TTC3: variants seen among roughly 807,000 people sequenced by gnomAD.
The protein encoded by TTC3 is E3 ubiquitin-protein ligase TTC3.
A neutral mutation model predicts 249.6 loss-of-function variants in TTC3; 180 were observed. That is an observed-to-expected ratio of 0.72 (90% CI 0.64 to 0.82). The LOEUF is 0.82. TTC3 is among the 40% of genes least tolerant of loss of function. The pLI is 0.00. For synonymous variants in TTC3, 717 were observed against 805.0 expected, an observed-to-expected ratio of 0.89 and a Z score of 1.85; for missense variants, 2,061 against 2,398.4, an observed-to-expected ratio of 0.86 and a Z score of 2.94.
chr21:37,200,147 G>A, intron 44 of TTC3, 85 bp from the exon 45 acceptor site: 1 of 1,290,168 alleles, frequency 7.8e-7, no homozygotes, highest in South Asian at 1.5e-5. Context: ...GGCAGAAGAT[G>A]TTTGAAGGCC....
chr21:37,105,115 G>A (rs956021261), intron 10 of TTC3, among the ~76,000 whole-genome samples: 1 of 152,166 alleles, frequency 6.6e-6, no homozygotes, highest in Non-Finnish European at 1.5e-5. Context: ...GTTGGCTACT[G>A]AGAAGCCAGT....
intron 1 of TTC3, among the ~76,000 whole-genome samples, chr21:37,075,585 A>G (rs544785530): frequency 1.3e-5 from 2 of 152,352 alleles, no homozygotes; most frequent in East Asian, 3.9e-4. Flanking sequence ...ATGAGACTTT[A>G]CATTTTTGCC....
At chr21:37,156,663 G>T (rs1339580654) in exon 28 of TTC3, 6 of 1,610,150 alleles carry the variant, frequency 3.7e-6, no homozygotes, top group Admixed American at 1.7e-5. Flanking sequence ...AGGCTTAGAT[G>T]CCACAGGAAC....
At chr21:37,076,823 C>T (rs1171683966) in intron 1 of TTC3, among the ~76,000 whole-genome samples, 1 of 150,394 alleles carries the variant, frequency 6.6e-6, no homozygotes, top group Admixed American at 6.7e-5. Context: ...TTGCCTCAGC[C>T]TCTGAGTAGC....
chr21:37,096,890 C>CA, intron 10 of TTC3: 1 of 336,156 alleles, frequency 3.0e-6, no homozygotes, highest in Non-Finnish European at 5.4e-6. Context: ...ATTTGGTTCT[C>CA]ACAGCACCCG....
At chr21:37,180,834 T>C (rs1320202255) in intron 35 of TTC3, among the ~76,000 whole-genome samples, 4 of 151,188 alleles carry the variant, frequency 2.6e-5, no homozygotes, top group Non-Finnish European at 2.9e-5. Context: ...AATAAAACTT[T>C]AGAAAATGTA....
At chr21:37,147,586 A>C (rs1283731045) in exon 22 of TTC3, 1 of 1,603,280 alleles carries the variant, frequency 6.2e-7, no homozygotes, top group Non-Finnish European at 8.5e-7. Context: ...GATATACATA[A>C]CTGATCCAGA....
At chr21:37,143,809 C>T (rs1458009200) in intron 20 of TTC3, among the ~76,000 whole-genome samples, 1 of 119,320 alleles carries the variant, frequency 8.4e-6, no homozygotes, top group African/African-American at 3.5e-5. Context: ...TTTATTGCGG[C>T]ACTATTCACA....
intron 10 of TTC3, among the ~76,000 whole-genome samples, chr21:37,105,285 A>G (rs2074967148): frequency 6.6e-6 from 1 of 152,104 alleles, no homozygotes; most frequent in Non-Finnish European, 1.5e-5. Context: ...GGGGAGAGAG[A>G]CCCAGGGTGA....
intron 10 of TTC3, among the ~76,000 whole-genome samples, chr21:37,106,176 G>A (rs1228235372): frequency 6.6e-6 from 1 of 152,192 alleles, no homozygotes; most frequent in Non-Finnish European, 1.5e-5. Flanking sequence ...GGATGTTTCA[G>A]ATTTTCATAA....
At chr21:37,161,850 T>C in intron 30 of TTC3, 140 bp from the exon 31 acceptor site, 1 of 508,034 alleles carries the variant, frequency 2.0e-6, no homozygotes. Flanking sequence ...TGTTCCTGTT[T>C]ATAAGAAAAT....
chr21:37,176,065 G>T (rs1279933261), intron 35 of TTC3, among the ~76,000 whole-genome samples: 1 of 152,022 alleles, frequency 6.6e-6, no homozygotes, highest in Non-Finnish European at 1.5e-5. Flanking sequence ...TGGCCAAAAG[G>T]CACGTGAGGC....
chr21:37,143,999 A>T (rs1379512462), intron 20 of TTC3, among the ~76,000 whole-genome samples: 1 of 151,596 alleles, frequency 6.6e-6, no homozygotes, highest in Non-Finnish European at 1.5e-5. Context: ...AGGGACAAAA[A>T]ACCAAACACC....
chr21:37,090,424 C>T, intron 6 of TTC3, 138 bp downstream of exon 6: 1 of 984,544 alleles, frequency 1.0e-6, no homozygotes, highest in Non-Finnish European at 1.4e-6. Flanking sequence ...CTATATTTTC[C>T]TTAAGGAGAC....
chr21:37,143,454 AAAG>A (rs1217044206), intron 20 of TTC3, among the ~76,000 whole-genome samples: 1 of 152,146 alleles, frequency 6.6e-6, no homozygotes, highest in East Asian at 1.9e-4. Flanking sequence ...ACACTTCTCA[AAAG>A]AAGACATTTA....
At chr21:37,077,743 T>C (rs962600153) in intron 1 of TTC3, among the ~76,000 whole-genome samples, 2 of 152,234 alleles carry the variant, frequency 1.3e-5, no homozygotes, top group Non-Finnish European at 2.9e-5. Flanking sequence ...TTATGAAATA[T>C]CTAGTCATAT....
At chr21:37,165,146 C>T (rs529287910) in intron 32 of TTC3, among the ~76,000 whole-genome samples, 12 of 152,256 alleles carry the variant, frequency 7.9e-5, no homozygotes, top group South Asian at 4.1e-4. Flanking sequence ...ATTTACTGTA[C>T]GCAAATTCAA....
At chr21:37,166,069 T>G (rs770097866) in exon 33 of TTC3, 1 of 1,614,224 alleles carries the variant, frequency 6.2e-7, no homozygotes, top group South Asian at 1.1e-5. Context: ...GCTCTGAGGA[T>G]GCAAATTACA....
chr21:37,140,749 C>A, intron 20 of TTC3, 76 bp downstream of exon 20: 1 of 1,041,834 alleles, frequency 9.6e-7, no homozygotes, highest in Non-Finnish European at 1.4e-6. Context: ...GATCCATTTT[C>A]TAGAATTATT....
Sources: gnomAD v4.1 joint callset for allele counts (sites outside exome capture counted in the v4.1 genomes callset) on GRCh38, gnomAD v4.1.1 for gene constraint, MANE v1.5 for transcripts, NCBI Gene and HGNC (gene_info 2026-07-23, HGNC 2026-07-21) for gene names.